Variants in AHCYL2 observed in about 807,000 individuals in gnomAD.
AHCYL2 encodes the protein S-adenosylhomocysteine hydrolase-like protein 2.
A neutral mutation model predicts 81.4 loss-of-function variants in AHCYL2; 28 were observed. That is an observed-to-expected ratio of 0.34 (90% CI 0.25 to 0.47). The LOEUF (loss-of-function observed/expected upper bound fraction) is 0.47, where lower values mean the gene tolerates loss of function less well. Among genes scored for constraint, AHCYL2 ranks in the 20% least tolerant of loss-of-function variants. The pLI is 1.00. For synonymous variants in AHCYL2, 272 were observed against 290.2 expected (o/e 0.94, Z 0.64); for missense variants, 551 against 785.1 (o/e 0.70, Z 3.56).
intron 1 of AHCYL2, among the ~76,000 whole-genome samples, chr7:129,319,023 C>G (rs1311673427): frequency 2.0e-5 from 3 of 151,872 alleles, no homozygotes; most frequent in East Asian, 1.9e-4. Context: ...TTGCAACTCA[C>G]AAAGGGCTGA....
chr7:129,374,545 T>C (rs549499178), intron 1 of AHCYL2, among the ~76,000 whole-genome samples: 3 of 151,512 alleles, frequency 2.0e-5, no homozygotes, highest in Non-Finnish European at 4.4e-5. Flanking sequence ...CAGTGGCTCA[T>C]GCCTGTAATC....
chr7:129,396,839 C>T (rs1795767482), intron 4 of AHCYL2, among the ~76,000 whole-genome samples: 1 of 152,220 alleles, frequency 6.6e-6, no homozygotes, highest in South Asian at 2.1e-4. Context: ...CCCACCTCAG[C>T]CTTCCTAGTA....
At chr7:129,264,558 G>A (rs924497379) in intron 1 of AHCYL2, among the ~76,000 whole-genome samples, 1 of 152,216 alleles carries the variant, frequency 6.6e-6, no homozygotes, top group African/African-American at 2.4e-5. Context: ...AATTATAGTA[G>A]AGAAAATTAA....
intron 1 of AHCYL2, among the ~76,000 whole-genome samples, chr7:129,341,695 G>T (rs1210248963): frequency 6.6e-6 from 1 of 152,160 alleles, no homozygotes; most frequent in Non-Finnish European, 1.5e-5. Context: ...CTGAGTATGT[G>T]TAAGTCATTG....
chr7:129,399,161 AAAAG>A (rs1343267073), intron 5 of AHCYL2, among the ~76,000 whole-genome samples: 7 of 147,222 alleles, frequency 4.8e-5, no homozygotes, highest in Non-Finnish European at 9.0e-5. Flanking sequence ...AAAAAAAAAA[AAAAG>A]AGGCCAGGCG....
chr7:129,290,887 G>A lies in AHCYL2; in HGVS notation c.363+65448G>A, dbSNP rs1243614960. On this transcript the variant is annotated intron_variant, in intron 1 of 16. Coordinates refer to ENST00000325006, the MANE Select transcript of AHCYL2 (RefSeq NM_015328.4). ...GGAGTGTGCAGTGAGCCGAGATCAC[G>A]CCACTGCACTCTAGCCTGGGCGACA... is the stretch of plus-strand genomic sequence containing the variant. Among the ~76,000 whole-genome samples the A allele has an allele frequency of 7.3e-5, 11 of 150,764 alleles. No homozygotes were observed. The South Asian group carries it at 1.3e-3, about 17-fold the overall frequency.
intron 1 of AHCYL2, among the ~76,000 whole-genome samples, chr7:129,316,940 T>G (rs1797844672): frequency 6.6e-6 from 1 of 152,166 alleles, no homozygotes; most frequent in Admixed American, 6.5e-5. Flanking sequence ...GAAGAAGCCT[T>G]GAGCTGATAA....
At position 129,229,018 on chromosome 7, in the gene AHCYL2, G is replaced by A. The variant is rs374615718; in HGVS notation, c.363+3579G>A. ...ACTGCTCTGAAAAGTGTTCAGTAAG[G>A]CAATTGGCAGTTGGTCTGTAATAAT... is the stretch of plus-strand genomic sequence containing the variant. On this transcript the variant is annotated intron_variant, in intron 1 of 16. Transcript: ENST00000325006. 3.2e-3 allele frequency among the ~76,000 whole-genome samples: 491 copies of A among 151,942 alleles called. 6 individuals carry two copies. In the South Asian group the frequency reaches 0.046, roughly 14 times the overall value.
intron 1 of AHCYL2, among the ~76,000 whole-genome samples, chr7:129,365,488 T>C (rs886312835): frequency 2.0e-5 from 3 of 151,994 alleles, no homozygotes; most frequent in Non-Finnish European, 4.4e-5. Context: ...ATTGGAGTTA[T>C]ATAGAGAGGT....
intron 4 of AHCYL2, among the ~76,000 whole-genome samples, chr7:129,390,370 C>T (rs139155158): frequency 0.012 from 1,805 of 152,234 alleles, 17 homozygotes; most frequent in Non-Finnish European, 0.018. Flanking sequence ...TGAGCATCCT[C>T]AGATTTTGGT....
chr7:129,370,591 T>C (rs974065926), intron 1 of AHCYL2, among the ~76,000 whole-genome samples: 7 of 152,070 alleles, frequency 4.6e-5, no homozygotes, highest in Non-Finnish European at 8.8e-5. Flanking sequence ...CCAGCTACTC[T>C]GGAGGCTGAG....
chr7:129,228,522 C>G (rs534565074), intron 1 of AHCYL2, among the ~76,000 whole-genome samples: 46 of 152,236 alleles, frequency 3.0e-4, no homozygotes, highest in South Asian at 1.5e-3. Flanking sequence ...ATCAAGTGAA[C>G]CCAGCAAGCC....
intron 1 of AHCYL2, among the ~76,000 whole-genome samples, chr7:129,362,597 G>GT (rs769346623): frequency 0.051 from 3,224 of 63,684 alleles, 312 homozygotes; most frequent in Middle Eastern, 0.062. Flanking sequence ...TGGTTTTCTT[G>GT]TTTTTTTTTT....
intron 1 of AHCYL2, among the ~76,000 whole-genome samples, chr7:129,240,213 C>T (rs554834654): frequency 7.3e-5 from 11 of 151,106 alleles, no homozygotes; most frequent in East Asian, 3.9e-4. Flanking sequence ...AAAAAAAATC[C>T]GCCTCAAAAA....
At chr7:129,366,381 C>T (rs573287359) in intron 1 of AHCYL2, among the ~76,000 whole-genome samples, 1 of 152,318 alleles carries the variant, frequency 6.6e-6, no homozygotes, top group African/African-American at 2.4e-5. Flanking sequence ...TTCCTCTCCT[C>T]CATTCCAAAT....
At chr7:129,232,349 C>A (rs1426679779) in intron 1 of AHCYL2, among the ~76,000 whole-genome samples, 1 of 152,188 alleles carries the variant, frequency 6.6e-6, no homozygotes, top group Non-Finnish European at 1.5e-5. Flanking sequence ...GAGTAATTAA[C>A]TTGTCCAAGG....
chr7:129,381,453 G>A (rs1794951322), intron 2 of AHCYL2, among the ~76,000 whole-genome samples: 1 of 152,120 alleles, frequency 6.6e-6, no homozygotes, highest in South Asian at 2.1e-4. Context: ...TGGTAAACTT[G>A]GACCTTTTAG....
chr7:129,333,208 G>A lies in AHCYL2; in HGVS notation c.364-46430G>A, dbSNP rs553333446. 2.9e-3 allele frequency among the ~76,000 whole-genome samples: 433 copies of A among 150,284 alleles called. 4 individuals are homozygous for A. Among genetic ancestry groups the A allele is most frequent in the African/African-American group, 0.01 (408 of 40,620 alleles). ...CCAGGGGCCAGGCACGGTGGCTCAC[G>A]CCTGTAATCCCAGCACCTTAAGAGG... is the stretch of plus-strand genomic sequence containing the variant. On this transcript the variant is annotated intron_variant, in intron 1 of 16. Coordinates refer to ENST00000325006, the MANE Select transcript of AHCYL2 (RefSeq NM_015328.4).
chr7:129,346,326 A>T (rs1350043801), intron 1 of AHCYL2, among the ~76,000 whole-genome samples: 3 of 152,204 alleles, frequency 2.0e-5, no homozygotes, highest in African/African-American at 7.2e-5. Context: ...TGTTAAAAAC[A>T]GTGGTATCAA....
Sources: allele counts gnomAD v4.1 joint callset (sites outside exome capture counted in the v4.1 genomes callset), GRCh38; gene constraint gnomAD v4.1.1; transcripts MANE v1.5; gene names NCBI Gene and HGNC (gene_info 2026-07-23, HGNC 2026-07-21).